FBXO34: variants seen among roughly 807,000 people sequenced by gnomAD.
FBXO34 encodes the protein F-box protein 34, also known as F-box only protein 34.
FBXO34 carries 12 observed loss-of-function variants against 24.5 expected under a neutral mutation model. That is an observed-to-expected ratio of 0.49 (90% CI 0.31 to 0.79). FBXO34 has a LOEUF of 0.79. Among genes scored for constraint, FBXO34 ranks in the 30% least tolerant of loss-of-function variants. The pLI, the probability that FBXO34 is intolerant of heterozygous loss-of-function variation, is 0.04. For synonymous variants in FBXO34, 320 were observed against 311.9 expected, an observed-to-expected ratio of 1.03 and a Z score of -0.27; for missense variants, 823 against 857.7, an observed-to-expected ratio of 0.96 and a Z score of 0.51.
intron 1 of FBXO34, among the ~76,000 whole-genome samples, chr14:55,276,553 C>T (rs1881349472): frequency 6.6e-6 from 1 of 151,978 alleles, no homozygotes; most frequent in Non-Finnish European, 1.5e-5. Context: ...CTTTATTAGC[C>T]GGCGACCGAG....
At chr14:55,383,470 G>A in the FBXO34 span, among the ~76,000 whole-genome samples, 1 of 152,130 alleles carries the variant, frequency 6.6e-6, no homozygotes, top group Non-Finnish European at 1.5e-5. Context: ...AGAATTGCTT[G>A]AACCTGGGAG....
chr14:55,319,904 C>T (rs1883069863), intron 1 of FBXO34, among the ~76,000 whole-genome samples: 1 of 152,056 alleles, frequency 6.6e-6, no homozygotes, highest in South Asian at 2.1e-4. Context: ...CTTGATCTGA[C>T]CTTGTGATCT....
At chr14:55,411,884 C>T in the FBXO34 span, 9 of 1,451,854 alleles carry the variant, frequency 6.2e-6, no homozygotes, top group East Asian at 1.5e-4. Flanking sequence ...CATTCTGGGC[C>T]AGGAGGAGGG....
At chr14:55,297,875 A>T (rs1390537584) in intron 1 of FBXO34, among the ~76,000 whole-genome samples, 1 of 152,236 alleles carries the variant, frequency 6.6e-6, no homozygotes, top group Non-Finnish European at 1.5e-5. Flanking sequence ...TCAGAATTGT[A>T]CATCTTAGGA....
chr14:55,380,875 A>ATATATATATAT, the FBXO34 span, among the ~76,000 whole-genome samples: 47 of 112,696 alleles, frequency 4.2e-4, no homozygotes, highest in African/African-American at 1.6e-3. Flanking sequence ...ATATATATAT[A>ATATATATATAT]TTTTTTTTTT....
intron 1 of FBXO34, among the ~76,000 whole-genome samples, chr14:55,277,033 A>G (rs1029118879): frequency 6.6e-6 from 1 of 152,210 alleles, no homozygotes; most frequent in Non-Finnish European, 1.5e-5. Flanking sequence ...AAAATGTACA[A>G]ATCTTATGTA....
chr14:55,393,506 G>A, the FBXO34 span, among the ~76,000 whole-genome samples: 4 of 151,962 alleles, frequency 2.6e-5, no homozygotes, highest in African/African-American at 9.7e-5. Flanking sequence ...CATTTCTCAG[G>A]GGTAATCCTT....
intron 1 of FBXO34, among the ~76,000 whole-genome samples, chr14:55,344,540 ATG>A (rs1267283533): frequency 8.4e-6 from 1 of 119,698 alleles, no homozygotes; most frequent in Non-Finnish European, 1.6e-5. Flanking sequence ...ATTTTTGTGT[ATG>A]TGTATTTTTT....
chr14:55,358,824 A>G (rs1405440786), intron 3 of FBXO34, among the ~76,000 whole-genome samples: 4 of 152,126 alleles, frequency 2.6e-5, no homozygotes, highest in Non-Finnish European at 4.4e-5. Context: ...GACCTATTAA[A>G]TCAACCACTG....
the FBXO34 span, among the ~76,000 whole-genome samples, chr14:55,398,191 T>C: frequency 6.6e-6 from 1 of 152,176 alleles, no homozygotes; most frequent in Admixed American, 6.5e-5. Context: ...GACCTGGTGG[T>C]CTGCCCGCCT....
At chr14:55,376,933 G>A in the FBXO34 span, among the ~76,000 whole-genome samples, 1 of 152,134 alleles carries the variant, frequency 6.6e-6, no homozygotes, top group African/African-American at 2.4e-5. Flanking sequence ...TCACACACCA[G>A]CCCTGGTTGG....
chr14:55,370,145 T>C (rs879270315), downstream of FBXO34, among the ~76,000 whole-genome samples: 11 of 152,178 alleles, frequency 7.2e-5, no homozygotes, highest in Admixed American at 3.9e-4. Context: ...TACCACACTT[T>C]CCCACAAGTC....
the FBXO34 span, among the ~76,000 whole-genome samples, chr14:55,395,697 TTTTG>T: frequency 6.6e-6 from 1 of 152,232 alleles, no homozygotes; most frequent in East Asian, 1.9e-4. Context: ...AGCCCATTGT[TTTTG>T]TTTTTCTATG....
chr14:55,299,057 G>A, intron 1 of FBXO34: 2 of 1,575,274 alleles, frequency 1.3e-6, no homozygotes, highest in Non-Finnish European at 1.7e-6. Flanking sequence ...CAGCAATTTC[G>A]AAACCTGTAG....
At chr14:55,366,514 T>C (rs1371547330), downstream of FBXO34, 7 of 152,670 alleles carry the variant, frequency 4.6e-5, no homozygotes, top group Admixed American at 3.9e-4. Context: ...GAGGAGATTC[T>C]CGGACACTAG....
chr14:55,286,322 A>G (rs935830002), intron 1 of FBXO34, among the ~76,000 whole-genome samples: 3 of 152,252 alleles, frequency 2.0e-5, no homozygotes, highest in East Asian at 1.9e-4. Context: ...GAAGAAAACC[A>G]TATCAAGCCT....
chr14:55,387,514 C>G, the FBXO34 span, among the ~76,000 whole-genome samples: 3 of 152,156 alleles, frequency 2.0e-5, no homozygotes, highest in Non-Finnish European at 2.9e-5. Flanking sequence ...GCGCATAGCT[C>G]TTGGTTCCTC....
chr14:55,296,396 T>G (rs796564198), intron 1 of FBXO34, among the ~76,000 whole-genome samples: 2,667 of 126,100 alleles, frequency 0.021, 61 homozygotes, highest in African/African-American at 0.076. Context: ...TTTTTGTTTT[T>G]TTTTTTTTTT....
chr14:55,361,365 A>T (rs1884593213), intron 3 of FBXO34, among the ~76,000 whole-genome samples: 1 of 152,228 alleles, frequency 6.6e-6, no homozygotes, highest in African/African-American at 2.4e-5. Context: ...TTAATCTGTA[A>T]ACCATGCTGT....
Sources: allele counts gnomAD v4.1 joint callset (sites outside exome capture counted in the v4.1 genomes callset), GRCh38; gene constraint gnomAD v4.1.1; transcripts MANE v1.5; gene names NCBI Gene and HGNC (gene_info 2026-07-23, HGNC 2026-07-21).